Variants in RNF13 observed in about 807,000 individuals in gnomAD.
RNF13 encodes ring finger protein 13, also known as E3 ubiquitin-protein ligase RNF13.
A neutral mutation model predicts 37.7 loss-of-function variants in RNF13; 19 were observed. The ratio of observed to expected loss-of-function variants is 0.50; its 90% confidence interval spans 0.35 to 0.74. RNF13 has a LOEUF of 0.74. Ranked by LOEUF, RNF13 falls within the 30% of genes least tolerant of loss-of-function variation. The pLI is 0.01. For missense variants in RNF13, 375 were observed against 453.0 expected (o/e 0.83, Z 1.56); for synonymous variants, 144 against 157.8 (o/e 0.91, Z 0.65).
At chr3:149,943,692 C>A (rs549156379) in intron 8 of RNF13, among the ~76,000 whole-genome samples, 29 of 152,274 alleles carry the variant, frequency 1.9e-4, no homozygotes, top group East Asian at 1.2e-3. Context: ...CTCTCCCTTC[C>A]CCCATCCCCT....
At chr3:149,958,742 T>C (rs1451311280) in intron 8 of RNF13, among the ~76,000 whole-genome samples, 1 of 152,222 alleles carries the variant, frequency 6.6e-6, no homozygotes, top group Non-Finnish European at 1.5e-5. Flanking sequence ...TAATTGCAGA[T>C]ATATCAGAGG....
Position 149,816,511 on chromosome 3 carries a change from C to T in RNF13, c.-17+3158C>T, listed in dbSNP as rs113828433. On this transcript the variant is annotated intron_variant, in intron 1 of 9. Coordinates refer to ENST00000392894, the MANE Select transcript of RNF13 (RefSeq NM_183381.3). ...GCGTATATGTTTAGTAAATTATATG[C>T]CTTAGCCTTTTTTTTTTTTTCATTG... Among the ~76,000 whole-genome samples the T allele has an allele frequency of 1.6e-3, 237 of 150,060 alleles. 2 individuals carry two copies. Among genetic ancestry groups the T allele is most frequent in the Non-Finnish European group, 3.0e-3 (204 of 67,668 alleles).
At chr3:149,906,963 A>G (rs1559942409) in intron 6 of RNF13, among the ~76,000 whole-genome samples, 2 of 151,968 alleles carry the variant, frequency 1.3e-5, no homozygotes, top group East Asian at 1.9e-4. Context: ...GTTTTTATGT[A>G]TTCAGCTTTG....
intron 4 of RNF13, 22 bp from the exon 5 acceptor site, chr3:149,895,451 T>C: frequency 7.3e-7 from 1 of 1,370,522 alleles, no homozygotes; most frequent in South Asian, 1.3e-5. Context: ...CATAATTTTT[T>C]TTTTTTTTTT....
chr3:149,917,650 G>C (rs1717682502), intron 7 of RNF13, among the ~76,000 whole-genome samples: 1 of 152,116 alleles, frequency 6.6e-6, no homozygotes, highest in African/African-American at 2.4e-5. Flanking sequence ...TCCAAAATAT[G>C]TATTTTTTTC....
intron 5 of RNF13, among the ~76,000 whole-genome samples, chr3:149,897,372 GA>G: frequency 6.6e-6 from 1 of 152,140 alleles, no homozygotes; most frequent in East Asian, 1.9e-4. Context: ...TTACTCTTTT[GA>G]CATGTTTTCA....
chr3:149,940,101 T>G (rs1720104748), intron 8 of RNF13, among the ~76,000 whole-genome samples: 1 of 152,316 alleles, frequency 6.6e-6, no homozygotes, highest in African/African-American at 2.4e-5. Flanking sequence ...TCTTTCAATC[T>G]TTTTTCATCA....
chr3:149,861,680 T>C (rs1048745311), intron 3 of RNF13, among the ~76,000 whole-genome samples: 1 of 152,126 alleles, frequency 6.6e-6, no homozygotes, highest in South Asian at 2.1e-4. Flanking sequence ...GGTACAAACA[T>C]GCAGTTAGAT....
chr3:149,898,071 T>C (rs892447983), intron 5 of RNF13, among the ~76,000 whole-genome samples: 5 of 152,240 alleles, frequency 3.3e-5, no homozygotes, highest in African/African-American at 9.6e-5. Context: ...GGAAAGTTAC[T>C]TAATCTTTAT....
At chr3:149,820,401 A>G (rs1282059756) in intron 1 of RNF13, among the ~76,000 whole-genome samples, 1 of 152,088 alleles carries the variant, frequency 6.6e-6, no homozygotes, top group African/African-American at 2.4e-5. Context: ...TTATAGAGGG[A>G]ATGAATTTCC....
chr3:149,852,889 C>CAT (rs1256925061), intron 3 of RNF13, among the ~76,000 whole-genome samples: 1 of 150,956 alleles, frequency 6.6e-6, no homozygotes, highest in East Asian at 1.9e-4. Flanking sequence ...TGTGTGTGTA[C>CAT]ATATATATAT....
chr3:149,949,882 C>T (rs535310266), intron 8 of RNF13, among the ~76,000 whole-genome samples: 1 of 151,960 alleles, frequency 6.6e-6, no homozygotes, highest in Admixed American at 6.6e-5. Context: ...TTATTTATTG[C>T]TTCTATTCTT....
At chr3:149,957,827 T>G (rs896453238) in intron 8 of RNF13, among the ~76,000 whole-genome samples, 1 of 152,214 alleles carries the variant, frequency 6.6e-6, no homozygotes, top group African/African-American at 2.4e-5. Flanking sequence ...ATAAGTGTTT[T>G]ACATAAAGTT....
chr3:149,948,510 T>C (rs1301292565), intron 8 of RNF13, among the ~76,000 whole-genome samples: 1 of 152,210 alleles, frequency 6.6e-6, no homozygotes, highest in Non-Finnish European at 1.5e-5. Flanking sequence ...TCTACAGATA[T>C]CTTCCTTATG....
At chr3:149,822,922 C>T (rs1459103989) in intron 1 of RNF13, among the ~76,000 whole-genome samples, 1 of 152,006 alleles carries the variant, frequency 6.6e-6, no homozygotes, top group East Asian at 1.9e-4. Flanking sequence ...CATTAATATA[C>T]ATTAGTTTTT....
intron 4 of RNF13, among the ~76,000 whole-genome samples, chr3:149,890,567 A>G (rs879454035): frequency 3.9e-5 from 6 of 152,216 alleles, no homozygotes; most frequent in Non-Finnish European, 8.8e-5. Flanking sequence ...TTGTAATACT[A>G]GTAATGTAGA....
At chr3:149,880,023 A>T (rs1036911448) in intron 4 of RNF13, among the ~76,000 whole-genome samples, 1 of 152,226 alleles carries the variant, frequency 6.6e-6, no homozygotes, top group Non-Finnish European at 1.5e-5. Context: ...TGCCTACAAT[A>T]CCAGAAACAA....
intron 7 of RNF13, among the ~76,000 whole-genome samples, chr3:149,919,296 C>T (rs1015439326): frequency 2.0e-5 from 3 of 151,952 alleles, no homozygotes; most frequent in African/African-American, 7.3e-5. Flanking sequence ...ATGTGTATAC[C>T]TGCGAAACCA....
At chr3:149,818,012 G>A (rs192498511) in intron 1 of RNF13, among the ~76,000 whole-genome samples, 1 of 152,296 alleles carries the variant, frequency 6.6e-6, no homozygotes, top group East Asian at 1.9e-4. Flanking sequence ...GTTGAATTAA[G>A]TAGTAAAATA....
Sources: allele counts gnomAD v4.1 joint callset (sites outside exome capture counted in the v4.1 genomes callset), GRCh38; gene constraint gnomAD v4.1.1; transcripts MANE v1.5; gene names NCBI Gene and HGNC (gene_info 2026-07-23, HGNC 2026-07-21).